ETFDH: variants seen among roughly 807,000 people sequenced by gnomAD.
ETFDH encodes the protein electron transfer flavoprotein dehydrogenase, also known as electron transfer flavoprotein-ubiquinone oxidoreductase, mitochondrial.
In ETFDH, 61 loss-of-function variants were observed where a neutral mutation model predicts 73.2. The ratio of observed to expected loss-of-function variants is 0.83; its 90% CI spans 0.68 to 1.03. The LOEUF is 1.03. Among genes scored for constraint, ETFDH ranks in the 50% least tolerant of loss-of-function variants. ETFDH has a pLI of 0.00. For synonymous variants in ETFDH, 243 were observed against 253.3 expected, an observed-to-expected ratio of 0.96 and a Z score of 0.39; for missense variants, 685 against 745.0, an observed-to-expected ratio of 0.92 and a Z score of 0.94.
rs1431935282 is a variant in ETFDH, at chr4:158,706,239, A to G, written c.1336A>G (p.Lys446Glu). Residue 446 changes from lysine (K) to glutamate (E), a missense_variant, in exon 11 of 13, where the codon AAA (lysine) becomes GAA (glutamate). Coordinates refer to ENST00000511912, the MANE Select transcript of ETFDH (RefSeq NM_004453.4). Reference sequence around the variant, plus strand: ...CAATTTGAAGAACTCATGGGTATGGAAAGAGCTATATTCTGTTAGAAATAT... The same window carrying G: ...CAATTTGAAGAACTCATGGGTATGGGAAGAGCTATATTCTGTTAGAAATAT... Reference protein sequence around the residue: ...EDNLKNSWVWKELYSVRNIRP... With the variant: ...EDNLKNSWVWEELYSVRNIRP... 1 of 1,612,568 alleles carries G rather than the reference A, an allele frequency of 6.2e-7. No individual in the cohort carries two copies. The highest frequency in any genetic ancestry group is 8.5e-7 in the Non-Finnish European group (1 of 1,178,496).
rs1454115411 is a variant in ETFDH, at chr4:158,692,889, ACAT to A, written c.684+2465_684+2467del. Among the ~76,000 whole-genome samples, 193 of 95,778 alleles carry A rather than the reference ACAT, an allele frequency of 2.0e-3. 1 individual carries two copies. The highest frequency in any genetic ancestry group is 5.6e-3 in the Middle Eastern group (1 of 180). The allele number at this position is 95,778 out of a possible 152,430, so 62.8% of individuals were successfully genotyped here. On this transcript the variant is annotated intron_variant, in intron 6 of 12. Coordinates refer to ENST00000511912, the MANE Select transcript of ETFDH (RefSeq NM_004453.4). ...AAAAAAAAAGATTAAAAAAAAAAAA[ACAT>A]ATATATATATATATATGGTTTTTAA...
At chr4:158,687,763 G>A (rs1412627341) in intron 5 of ETFDH, among the ~76,000 whole-genome samples, 2 of 152,150 alleles carry the variant, frequency 1.3e-5, no homozygotes, top group Non-Finnish European at 2.9e-5. Context: ...AATCTTGGCC[G>A]GGCGCAGTGG....
In ETFDH at chr4:158,709,299, G is replaced by A. The variant is rs777924306; in HGVS notation, c.*772G>A. On this transcript the variant is annotated 3_prime_UTR_variant, in exon 13 of 13. Coordinates refer to ENST00000511912, the MANE Select transcript of ETFDH (RefSeq NM_004453.4). Reference sequence around the variant, plus strand: ...TCCCAGCACTTTGGGAGGCCAAGGCGGGGTGGATCACAAGGTCAGGAGTTC... The same window carrying A: ...TCCCAGCACTTTGGGAGGCCAAGGCAGGGTGGATCACAAGGTCAGGAGTTC... 1.1e-3 allele frequency: 177 copies of A among 154,248 alleles called. No homozygotes were observed. The highest frequency in any genetic ancestry group is 2.1e-3 in the African/African-American group (87 of 41,544). 9.6% of individuals were successfully genotyped at this position (154,248 alleles called of 1,614,324 possible). A position where few individuals can be genotyped will look rare whatever the true frequency, so the allele number is the denominator to read the frequency against.
At chr4:158,703,290 T>G in intron 9 of ETFDH, 133 bp from the exon 10 acceptor site, 1 of 698,702 alleles carries the variant, frequency 1.4e-6, no homozygotes, top group Admixed American at 2.2e-5. Context: ...ATTCCTTTGC[T>G]CAATTCATTT....
chr4:158,690,311 C>A (rs370548522), intron 5 of ETFDH, 37 bp from the exon 6 acceptor site: 54 of 1,093,506 alleles, frequency 4.9e-5, no homozygotes, highest in Non-Finnish European at 7.1e-5. Context: ...ATTATGAATT[C>A]TAAGGTATTA....
chr4:158,683,542 C>T (rs1213400490), intron 3 of ETFDH, among the ~76,000 whole-genome samples: 1 of 152,100 alleles, frequency 6.6e-6, no homozygotes, highest in African/African-American at 2.4e-5. Flanking sequence ...AATATCAATT[C>T]TAATAGAAAA....
intron 2 of ETFDH, 189 bp from the exon 3 acceptor site, chr4:158,682,006 T>A: frequency 1.5e-6 from 1 of 667,244 alleles, no homozygotes; most frequent in Non-Finnish European, 2.5e-6. Flanking sequence ...AAATAAAGTA[T>A]GTACTGGAAC....
rs1246766623 is a variant in ETFDH at position 158,706,786 on chromosome 4, C to T, written c.1626C>T (p.Asp542=). 3 of 1,613,702 alleles carry T rather than the reference C, an allele frequency of 1.9e-6. No individual in the cohort carries two copies. Among genetic ancestry groups the T allele is most frequent in the Non-Finnish European group, 2.5e-6 (3 of 1,179,774 alleles). Residue 542 remains aspartate, a synonymous_variant, in exon 12 of 13, where the codon GAC becomes GAT. Coordinates refer to ENST00000511912, the MANE Select transcript of ETFDH (RefSeq NM_004453.4). The part of the protein sequence containing the change: ...DQPAHLTLRD[D]SIPVNRNLSI... ...CGGCACACTTAACCTTAAGGGATGA[C>T]AGTATACCTGTAAATAGAAATCTGT...
intron 9 of ETFDH, among the ~76,000 whole-genome samples, chr4:158,699,977 A>T (rs1029248821): frequency 1.3e-5 from 2 of 152,198 alleles, no homozygotes; most frequent in Non-Finnish European, 2.9e-5. Flanking sequence ...GTACCAAATT[A>T]TTTGGAGCAA....
At position 158,692,894 on chromosome 4, in the gene ETFDH, T is replaced by A. The variant is rs1368469589; in HGVS notation, c.684+2469T>A. 9.3e-4 allele frequency among the ~76,000 whole-genome samples: 136 copies of A among 145,704 alleles called. 1 individual carries two copies. The highest frequency in any genetic ancestry group is 7.4e-3 in the Middle Eastern group (2 of 272). On this transcript the variant is annotated intron_variant, in intron 6 of 12. Transcript: ENST00000511912. ...AAAAGATTAAAAAAAAAAAAACATA[T>A]ATATATATATATATGGTTTTTAACT...
intron 2 of ETFDH, chr4:158,681,824 G>A: frequency 3.1e-6 from 1 of 319,932 alleles, no homozygotes; most frequent in Non-Finnish European, 6.0e-6. Flanking sequence ...TGTTCAATTA[G>A]TTTGTGTAAG....
intron 12 of ETFDH, 47 bp from the exon 13 acceptor site, chr4:158,708,317 A>AT: frequency 6.8e-7 from 1 of 1,464,256 alleles, no homozygotes; most frequent in Non-Finnish European, 9.5e-7. Context: ...GAATTTAAAA[A>AT]TTTTTTAAAG....
At chr4:158,684,090 G>C (rs1262276136) in intron 3 of ETFDH, among the ~76,000 whole-genome samples, 1 of 152,126 alleles carries the variant, frequency 6.6e-6, no homozygotes, top group Non-Finnish European at 1.5e-5. Flanking sequence ...ACTGGCAAGA[G>C]GTTTATTTAG....
intron 6 of ETFDH, among the ~76,000 whole-genome samples, chr4:158,690,847 T>C (rs1774146416): frequency 6.6e-6 from 1 of 151,934 alleles, no homozygotes; most frequent in Non-Finnish European, 1.5e-5. Context: ...CTATCAAAAA[T>C]ACAAAATTAG....
intron 9 of ETFDH, among the ~76,000 whole-genome samples, chr4:158,700,222 TTATA>T (rs1439912215): frequency 6.6e-6 from 1 of 152,102 alleles, no homozygotes; most frequent in Admixed American, 6.6e-5. Context: ...CATAGCTACA[TTATA>T]AATATAATCA....
chr4:158,703,950 T>A (rs1332020378), intron 10 of ETFDH, among the ~76,000 whole-genome samples: 1 of 151,948 alleles, frequency 6.6e-6, no homozygotes, highest in Non-Finnish European at 1.5e-5. Flanking sequence ...TACAAAAAAA[T>A]TAGCTGTGTG....
intron 12 of ETFDH, among the ~76,000 whole-genome samples, chr4:158,707,290 G>A (rs1369905243): frequency 6.6e-6 from 1 of 152,162 alleles, no homozygotes; most frequent in Admixed American, 6.5e-5. Flanking sequence ...TACAGTAATA[G>A]GAACCAGGTC....
chr4:158,686,712 A>G (rs77390015), intron 5 of ETFDH, among the ~76,000 whole-genome samples: 1,772 of 152,262 alleles, frequency 0.012, 27 homozygotes, highest in African/African-American at 0.038. Context: ...CCTGGTTTCT[A>G]TGACTTGCTT....
intron 6 of ETFDH, among the ~76,000 whole-genome samples, chr4:158,692,689 A>G (rs1383750582): frequency 4.7e-5 from 7 of 150,236 alleles, no homozygotes; most frequent in Non-Finnish European, 8.9e-5. Flanking sequence ...AAATATTTTT[A>G]TATTTTATAT....
Sources: allele counts gnomAD v4.1 joint callset (sites outside exome capture counted in the v4.1 genomes callset), GRCh38; gene constraint gnomAD v4.1.1; transcripts MANE v1.5; gene names NCBI Gene and HGNC (gene_info 2026-07-23, HGNC 2026-07-21).